Variants in UNC79 observed in about 807,000 individuals in gnomAD.
UNC79 encodes the protein protein unc-79 homolog.
Under a neutral mutation model 283.1 loss-of-function variants are expected in UNC79, and 37 were observed. That is an observed-to-expected ratio of 0.13 (90% confidence interval 0.10 to 0.17). The LOEUF is 0.17. UNC79 is among the 10% of genes least tolerant of loss of function. The probability of loss-of-function intolerance (pLI) is 1.00; values close to 1 mark genes in which losing one functional copy is unlikely to be tolerated. For missense variants in UNC79, 2,272 were observed against 3,211.1 expected (o/e 0.71, Z 7.07); for synonymous variants, 1,107 against 1,200.2 (o/e 0.92, Z 1.61).
At chr14:93,680,288 A>G (rs1162934116) in intron 41 of UNC79, among the ~76,000 whole-genome samples, 1 of 152,200 alleles carries the variant, frequency 6.6e-6, no homozygotes, top group East Asian at 1.9e-4. Flanking sequence ...GAAGGGAGAT[A>G]CAGACATTTA....
intron 1 of UNC79, among the ~76,000 whole-genome samples, chr14:93,358,854 C>T (rs994961854): frequency 1.3e-5 from 2 of 152,160 alleles, no homozygotes; most frequent in East Asian, 1.9e-4. Context: ...TTAGGAGCCA[C>T]CCCCAACACC....
chr14:93,453,704 G>C (rs2056715638), intron 1 of UNC79, among the ~76,000 whole-genome samples: 1 of 152,200 alleles, frequency 6.6e-6, no homozygotes, highest in South Asian at 2.1e-4. Context: ...TGAGGAAGCT[G>C]CTTAGTAAAC....
chr14:93,627,235 C>A (rs906367652), intron 30 of UNC79, among the ~76,000 whole-genome samples: 1 of 152,178 alleles, frequency 6.6e-6, no homozygotes, highest in Non-Finnish European at 1.5e-5. Context: ...TTTGGTTCCT[C>A]TCTATTTCCT....
intron 32 of UNC79, among the ~76,000 whole-genome samples, chr14:93,640,886 C>T (rs1200399289): frequency 6.6e-6 from 1 of 152,130 alleles, no homozygotes; most frequent in African/African-American, 2.4e-5. Context: ...GCTGGCACAC[C>T]TGAGCTCTTT....
intron 10 of UNC79, among the ~76,000 whole-genome samples, chr14:93,530,911 A>C (rs571961702): frequency 6.6e-6 from 1 of 151,960 alleles, no homozygotes; most frequent in African/African-American, 2.4e-5. Flanking sequence ...TCCGTCTCAG[A>C]AAAAAAACAA....
In UNC79 at chr14:93,673,345, C is replaced by G; in HGVS notation, c.6637-6C>G. 6.2e-7 allele frequency: 1 copy of G among 1,609,740 alleles called. No homozygotes were observed. The highest frequency in any genetic ancestry group is 8.5e-7 in the Non-Finnish European group (1 of 1,178,240). ...CACTTACCTCCTTCTGTTTTGTTTT[C>G]TTTAGGAACGAGATAAATTCTACTT... On this transcript the variant is annotated splice_polypyrimidine_tract_variant and splice_region_variant and intron_variant, in intron 40 of 48. Coordinates refer to ENST00000555664, the Ensembl canonical transcript of UNC79.
At chr14:93,389,246 TA>T (rs1359130166) in intron 1 of UNC79, among the ~76,000 whole-genome samples, 1 of 152,138 alleles carries the variant, frequency 6.6e-6, no homozygotes, top group Non-Finnish European at 1.5e-5. Flanking sequence ...TGCTCAAACC[TA>T]AGATGACAGA....
At chr14:93,646,717 C>T in intron 35 of UNC79, 71 bp downstream of exon 38, 1 of 1,557,834 alleles carries the variant, frequency 6.4e-7, no homozygotes, top group Non-Finnish European at 8.8e-7. Context: ...GTTTCTAAAA[C>T]ACCAGTGTGG....
At chr14:93,628,926 C>T (rs11622354) in intron 30 of UNC79, among the ~76,000 whole-genome samples, 7,693 of 152,186 alleles carry the variant, frequency 0.051, 335 homozygotes, top group African/African-American at 0.11. Context: ...AGGCCAGGCA[C>T]GGTGGCTTAT....
At position 93,347,219 on chromosome 14, in the gene UNC79, C is replaced by T. The variant is rs781077446; in HGVS notation, c.-351+13696C>T. 3.9e-6 allele frequency: 6 copies of T among 1,529,360 alleles called. No individual in the cohort carries two copies. In the South Asian group the frequency reaches 4.9e-5, roughly 12 times the overall value. The allele number at this position is 1,529,360 out of a possible 1,614,324, so 94.7% of individuals were successfully genotyped here. A position where few individuals can be genotyped will look rare whatever the true frequency, so the allele number is the denominator to read the frequency against. On this transcript the variant is annotated intron_variant, in intron 1 of 49. Coordinates refer to the UNC79 transcript ENST00000256339. ...AGCACTGGAGCTTGCGTTACTTGGC[C>T]TCACCTCACCTGTGCTGTCCACGCC...
At chr14:93,583,652 GA>G (rs2063988074) in intron 20 of UNC79, among the ~76,000 whole-genome samples, 2 of 152,212 alleles carry the variant, frequency 1.3e-5, no homozygotes, top group Non-Finnish European at 2.9e-5. Context: ...TGCACTTCTT[GA>G]AGCTGTAAGG....
intron 1 of UNC79, among the ~76,000 whole-genome samples, chr14:93,447,984 T>G (rs1202650004): frequency 2.6e-5 from 4 of 152,176 alleles, no homozygotes; most frequent in Non-Finnish European, 4.4e-5. Context: ...GGGTGTTCAT[T>G]CTGCTTTGTG....
chr14:93,539,465 G>T (rs1483760732), intron 12 of UNC79, among the ~76,000 whole-genome samples: 1 of 151,524 alleles, frequency 6.6e-6, no homozygotes, highest in Non-Finnish European at 1.5e-5. Flanking sequence ...AGGTTGCAGT[G>T]AGCTGAGATT....
chr14:93,477,989 G>T (rs1344943652), intron 4 of UNC79, among the ~76,000 whole-genome samples: 1 of 152,170 alleles, frequency 6.6e-6, no homozygotes, highest in East Asian at 1.9e-4. Context: ...AGGCAGTCTA[G>T]ATTTCCTATG....
chr14:93,347,379 G>T lies in UNC79; in HGVS notation c.-351+13856G>T, dbSNP rs201840112. ...CCCACTCGGGGCCCCCGCGCCAGCG[G>T]CCCCTGTCTGCCGCGGTGAGTTGAG... On this transcript the variant is annotated intron_variant, in intron 1 of 49. Coordinates refer to the UNC79 transcript ENST00000256339. 7,943 of 1,548,870 alleles carry T rather than the reference G, an allele frequency of 5.1e-3. 65 individuals are homozygous for T. The highest frequency in any genetic ancestry group is 0.039 in the Middle Eastern group (201 of 5,128).
At chr14:93,355,214 G>C (rs1205533730) in intron 1 of UNC79, among the ~76,000 whole-genome samples, 1 of 151,634 alleles carries the variant, frequency 6.6e-6, no homozygotes, top group Middle Eastern at 3.2e-3. Flanking sequence ...TTCCCCCTGA[G>C]ACAGAGTTTT....
Position 93,474,276 on chromosome 14 carries a change from G to T in UNC79, c.331G>T (p.Gly111Cys). ...CCTGCGAGATGCTCCCTCAGAACGC[G>T]GCCCGCAAAGTCGTGATGCTCAGTT... is the stretch of plus-strand genomic sequence containing the variant. The change falls in exon 3 of 49, where the codon GGC becomes TGC. Residue 111 changes from glycine (G) to cysteine (C), a missense_variant. Transcript: ENST00000555664. This position sits in a 1 kb window ranked among gnomAD's most constrained non-coding sequence, Gnocchi z 4.1. The T allele has an allele frequency of 6.5e-7, 1 of 1,536,020 alleles. No homozygotes were observed. The highest frequency in any genetic ancestry group is 8.7e-7 in the Non-Finnish European group (1 of 1,146,858).
At chr14:93,592,572 A>G (rs866450160) in intron 22 of UNC79, among the ~76,000 whole-genome samples, 2 of 152,134 alleles carry the variant, frequency 1.3e-5, no homozygotes, top group African/African-American at 2.4e-5. Context: ...AATTCAATAT[A>G]TTTATTGAAA....
At chr14:93,623,119 C>T (rs987352606) in intron 30 of UNC79, among the ~76,000 whole-genome samples, 2 of 152,182 alleles carry the variant, frequency 1.3e-5, no homozygotes, top group African/African-American at 2.4e-5. Context: ...TTGGTTAATT[C>T]GTATCAGGAT....
Sources: allele counts gnomAD v4.1 joint callset (sites outside exome capture counted in the v4.1 genomes callset), GRCh38; gene constraint gnomAD v4.1.1; non-coding constraint Gnocchi (gnomAD v3.1); transcripts MANE v1.5; gene names NCBI Gene and HGNC (gene_info 2026-07-23, HGNC 2026-07-21).